GLIS3: variants seen among roughly 807,000 people sequenced by gnomAD.
GLIS3 encodes the protein zinc finger protein GLIS3.
In GLIS3, 53 loss-of-function variants were observed where a neutral mutation model predicts 78.6. The observed-to-expected ratio is 0.67, with a 90% CI of 0.54 to 0.85. The LOEUF (loss-of-function observed/expected upper bound fraction) is 0.85. Among genes scored for constraint, GLIS3 ranks in the 40% least tolerant of loss-of-function variants. The pLI is 0.00. For synonymous variants in GLIS3, 684 were observed against 509.9 expected (o/e 1.34, Z -4.60); for missense variants, 1,703 against 1,231.1 (o/e 1.38, Z -5.74).
At chr9:3,951,433 C>T (rs1816670095) in intron 4 of GLIS3, among the ~76,000 whole-genome samples, 1 of 151,180 alleles carries the variant, frequency 6.6e-6, no homozygotes, top group South Asian at 2.1e-4. Context: ...GAGCTACAGC[C>T]AAGAACAAAA....
chr9:4,307,507 T>C (rs914640629), intron 4 of GLIS3, among the ~76,000 whole-genome samples: 1 of 151,894 alleles, frequency 6.6e-6, no homozygotes, highest in African/African-American at 2.4e-5. Flanking sequence ...CTTTCTCTGA[T>C]AGGGAGAATA....
At chr9:4,387,081 G>A in the GLIS3 span, among the ~76,000 whole-genome samples, 3 of 152,170 alleles carry the variant, frequency 2.0e-5, no homozygotes, top group Non-Finnish European at 4.4e-5. Context: ...AACAGGAAAT[G>A]AATTTGGTTA....
intron 4 of GLIS3, among the ~76,000 whole-genome samples, chr9:4,010,666 G>C (rs1821930023): frequency 6.6e-6 from 1 of 152,184 alleles, no homozygotes; most frequent in Admixed American, 6.5e-5. Flanking sequence ...GATCATCTGT[G>C]GCTCTTTCCT....
intron 2 of GLIS3, among the ~76,000 whole-genome samples, chr9:4,325,178 T>C (rs1460591807): frequency 6.6e-6 from 1 of 152,218 alleles, no homozygotes; most frequent in Non-Finnish European, 1.5e-5. Context: ...CTTGAATGCA[T>C]AAATGTGAGT....
At chr9:4,323,432 G>A (rs965369573) in intron 2 of GLIS3, among the ~76,000 whole-genome samples, 2 of 152,096 alleles carry the variant, frequency 1.3e-5, no homozygotes, top group Non-Finnish European at 2.9e-5. Flanking sequence ...ATGTTATGTT[G>A]TCTGTATTCG....
intron 2 of GLIS3, among the ~76,000 whole-genome samples, chr9:4,203,939 G>C (rs1189286148): frequency 6.6e-6 from 1 of 152,166 alleles, no homozygotes; most frequent in African/African-American, 2.4e-5. Context: ...GGCTACAATA[G>C]AAACTGAAGA....
At chr9:3,839,384 C>T (rs1818576236) in intron 9 of GLIS3, among the ~76,000 whole-genome samples, 1 of 152,198 alleles carries the variant, frequency 6.6e-6, no homozygotes, top group African/African-American at 2.4e-5. Context: ...AGCTTTCTTA[C>T]TGGCGGGTTC....
At chr9:4,304,604 C>T (rs1197644029), upstream of GLIS3, among the ~76,000 whole-genome samples, 6 of 151,908 alleles carry the variant, frequency 3.9e-5, no homozygotes, top group East Asian at 5.8e-4. Context: ...AAATAGGGAA[C>T]GAGGGTGCAG....
chr9:4,293,017 G>A (rs892380265), intron 1 of GLIS3, among the ~76,000 whole-genome samples: 1 of 152,146 alleles, frequency 6.6e-6, no homozygotes, highest in African/African-American at 2.4e-5. Context: ...CAGAAGTATA[G>A]AAGTAAAATA....
chr9:3,848,533 A>C (rs189653344), intron 9 of GLIS3, among the ~76,000 whole-genome samples: 1 of 152,296 alleles, frequency 6.6e-6, no homozygotes, highest in Non-Finnish European at 1.5e-5. Context: ...AAAAATAAAA[A>C]TAACCTTTAA....
At chr9:4,170,840 G>A (rs994503929) in intron 2 of GLIS3, among the ~76,000 whole-genome samples, 1 of 152,128 alleles carries the variant, frequency 6.6e-6, no homozygotes, top group African/African-American at 2.4e-5. Flanking sequence ...AGTAAAAAAT[G>A]TTCATGAAAT....
intron 2 of GLIS3, among the ~76,000 whole-genome samples, chr9:4,345,762 A>T (rs1817889522): frequency 1.3e-5 from 2 of 152,254 alleles, no homozygotes; most frequent in African/African-American, 4.8e-5. Context: ...ATATGTAGGT[A>T]ACCACAAGAA....
chr9:3,928,219 T>C (rs1254470385), intron 6 of GLIS3, among the ~76,000 whole-genome samples: 2 of 152,254 alleles, frequency 1.3e-5, no homozygotes, highest in Non-Finnish European at 2.9e-5. Context: ...CTTGAGATGA[T>C]ATGTCTGTGA....
At chr9:4,380,968 A>C in the GLIS3 span, among the ~76,000 whole-genome samples, 2 of 152,176 alleles carry the variant, frequency 1.3e-5, no homozygotes, top group Admixed American at 1.3e-4. Context: ...ATATAAAATT[A>C]GAAGAAAAAT....
intron 2 of GLIS3, among the ~76,000 whole-genome samples, chr9:4,323,436 G>A (rs12003258): frequency 0.068 from 10,373 of 152,200 alleles, 1,170 homozygotes; most frequent in African/African-American, 0.23. Context: ...TATGTTGTCT[G>A]TATTCGTCCA....
intron 4 of GLIS3, among the ~76,000 whole-genome samples, chr9:4,078,343 C>A (rs1253571407): frequency 6.6e-6 from 1 of 152,130 alleles, no homozygotes; most frequent in African/African-American, 2.4e-5. Context: ...CTGCAAAGTC[C>A]TGCTCCTGAC....
chr9:4,468,205 C>T, the GLIS3 span, among the ~76,000 whole-genome samples: 4 of 152,192 alleles, frequency 2.6e-5, no homozygotes, highest in Non-Finnish European at 5.9e-5. Flanking sequence ...AGTTGGAAAA[C>T]ACTCTGCAGG....
intron 8 of GLIS3, among the ~76,000 whole-genome samples, chr9:3,868,061 T>C (rs937906810): frequency 1.3e-5 from 2 of 152,214 alleles, no homozygotes; most frequent in African/African-American, 4.8e-5. Context: ...ATATTTGTCT[T>C]TTAACTATGG....
At chr9:4,320,487 C>CT (rs984684087) in intron 2 of GLIS3, among the ~76,000 whole-genome samples, 16 of 152,318 alleles carry the variant, frequency 1.1e-4, no homozygotes, top group African/African-American at 3.6e-4. Flanking sequence ...ACCTTTCTCT[C>CT]TGTCAATACA....
Sources: allele counts gnomAD v4.1 joint callset (sites outside exome capture counted in the v4.1 genomes callset), GRCh38; gene constraint gnomAD v4.1.1; transcripts MANE v1.5; gene names NCBI Gene and HGNC (gene_info 2026-07-23, HGNC 2026-07-21).